The following CEP89 variants were observed in gnomAD, a reference collection of about 807,000 sequenced individuals.
CEP89 encodes centrosomal protein 89, also known as centrosomal protein of 89 kDa.
In CEP89, 95 loss-of-function variants were observed where a neutral mutation model predicts 97.6. The ratio of observed to expected loss-of-function variants is 0.97; its 90% CI spans 0.82 to 1.15. The LOEUF (loss-of-function observed/expected upper bound fraction) is 1.15. Among genes scored for constraint, CEP89 ranks in the 50% most tolerant of loss-of-function variants. CEP89 has a pLI of 0.00. For synonymous variants in CEP89, 354 were observed against 349.1 expected, an observed-to-expected ratio of 1.01 and a Z score of -0.16; for missense variants, 869 against 947.7, an observed-to-expected ratio of 0.92 and a Z score of 1.09.
At chr19:32,895,938 C>T (rs1969630877) in intron 16 of CEP89, among the ~76,000 whole-genome samples, 2 of 152,034 alleles carry the variant, frequency 1.3e-5, no homozygotes, top group South Asian at 4.1e-4. Context: ...ACAAGGAAAG[C>T]TACAAACACT....
intron 14 of CEP89, among the ~76,000 whole-genome samples, chr19:32,904,932 C>T (rs979510708): frequency 6.6e-6 from 1 of 152,148 alleles, no homozygotes; most frequent in African/African-American, 2.4e-5. Context: ...CAAAGAAATA[C>T]AATTAATTTT....
Position 32,895,819 on chromosome 19 carries a change from T to A in CEP89, c.1875+4038A>T, listed in dbSNP as rs150479415. On this transcript the variant is annotated intron_variant, in intron 16 of 18. Coordinates refer to ENST00000305768, the MANE Select transcript of CEP89 (RefSeq NM_032816.5). ...TGTATAAAGATCAGTAGTGTTTCTATACACCAATAATGAATTCCCTGAAAA... is the reference window on the plus strand; with the variant it reads ...TGTATAAAGATCAGTAGTGTTTCTAAACACCAATAATGAATTCCCTGAAAA... Among the ~76,000 whole-genome samples, 430 of 151,520 alleles carry A rather than the reference T, an allele frequency of 2.8e-3. 3 individuals are homozygous for A. The highest frequency in any genetic ancestry group is 9.7e-3 in the African/African-American group (401 of 41,364).
intron 18 of CEP89, among the ~76,000 whole-genome samples, chr19:32,881,393 T>TGGC (rs1455505569): frequency 6.6e-6 from 1 of 151,778 alleles, no homozygotes; most frequent in Non-Finnish European, 1.5e-5. Flanking sequence ...GAAACAAAAC[T>TGGC]GGCTCATGCC....
rs991848084 is a variant in CEP89 at position 32,931,658 on chromosome 19, C to T, written c.887-87G>A. ...TAAATTGCAAATCGTTTGCTTTTCTCCCCTCTTTCACGCTCAGAGGCAATG... is the reference window on the plus strand; with the variant it reads ...TAAATTGCAAATCGTTTGCTTTTCTTCCCTCTTTCACGCTCAGAGGCAATG... On this transcript the variant is annotated intron_variant, in intron 8 of 18. Transcript: ENST00000305768. 5 of 1,111,818 alleles carry T rather than the reference C, an allele frequency of 4.5e-6. No homozygotes were observed. In the Admixed American group the frequency reaches 1.2e-4, roughly 26 times the overall value. 68.9% of individuals were successfully genotyped at this position (1,111,818 alleles called of 1,614,324 possible). A position where few individuals can be genotyped will look rare whatever the true frequency, so the allele number is the denominator to read the frequency against.
At chr19:32,883,849 AG>A (rs1969338095) in intron 17 of CEP89, among the ~76,000 whole-genome samples, 1 of 152,212 alleles carries the variant, frequency 6.6e-6, no homozygotes, top group East Asian at 1.9e-4. Context: ...CATCTTGATC[AG>A]TCTTGGATTA....
At chr19:32,912,570 A>ACT (rs1443494185) in intron 14 of CEP89, among the ~76,000 whole-genome samples, 1 of 151,382 alleles carries the variant, frequency 6.6e-6, no homozygotes. Context: ...AAGAAATCTC[A>ACT]CTCTCTCTCT....
At chr19:32,958,648 C>T (rs532100508) in intron 3 of CEP89, among the ~76,000 whole-genome samples, 1 of 148,830 alleles carries the variant, frequency 6.7e-6, no homozygotes, top group African/African-American at 2.5e-5. Flanking sequence ...CACTGCCCTC[C>T]AGCCTGGGCA....
At chr19:32,890,742 G>A (rs1342657900) in intron 16 of CEP89, among the ~76,000 whole-genome samples, 1 of 152,084 alleles carries the variant, frequency 6.6e-6, no homozygotes, top group Non-Finnish European at 1.5e-5. Flanking sequence ...CTCAACCCCT[G>A]CAGGCCCTGA....
At position 32,923,546 on chromosome 19, in the gene CEP89, A is replaced by T; in HGVS notation, c.1165-4T>A. 6.5e-7 allele frequency: 1 copy of T among 1,546,562 alleles called. No individual in the cohort carries two copies. The highest frequency in any genetic ancestry group is 8.9e-7 in the Non-Finnish European group (1 of 1,119,432). ...TCCTAAACATTCTCATTTCCTCCTG[A>T]AATAAAATGTACGTAAATTATAACA... On this transcript the variant is annotated splice_region_variant and splice_polypyrimidine_tract_variant and intron_variant, in intron 11 of 18. Transcript: ENST00000305768.
chr19:32,918,884 C>CTTTTTT (rs11339528), intron 12 of CEP89, among the ~76,000 whole-genome samples: 52 of 117,636 alleles, frequency 4.4e-4, no homozygotes, highest in Non-Finnish European at 6.2e-4. Flanking sequence ...TTTTCTTTTT[C>CTTTTTT]TTTTTTTTTT....
intron 14 of CEP89, among the ~76,000 whole-genome samples, chr19:32,912,975 G>A (rs1016563799): frequency 6.6e-6 from 1 of 151,334 alleles, no homozygotes; most frequent in Non-Finnish European, 1.5e-5. Flanking sequence ...CCCGGGGGGC[G>A]GAGCCTGCAG....
intron 7 of CEP89, 181 bp downstream of exon 7, chr19:32,937,450 C>A (rs1970601989): frequency 5.2e-6 from 3 of 579,326 alleles, no homozygotes; most frequent in Non-Finnish European, 6.2e-6. Context: ...AGGACCCAAG[C>A]ACATCCTGTA....
intron 7 of CEP89, among the ~76,000 whole-genome samples, chr19:32,935,837 G>A (rs1156789670): frequency 6.6e-6 from 1 of 152,060 alleles, no homozygotes; most frequent in Non-Finnish European, 1.5e-5. Flanking sequence ...CTGTGTTCTT[G>A]GGGGCCCAAG....
At chr19:32,908,228 T>A (rs1269359415) in intron 14 of CEP89, among the ~76,000 whole-genome samples, 4 of 152,208 alleles carry the variant, frequency 2.6e-5, no homozygotes, top group African/African-American at 7.2e-5. Flanking sequence ...TAAAAAGAAG[T>A]CATTAATGGT....
rs1256946896 is a variant in CEP89 at position 32,953,763 on chromosome 19, AAAG to A, written c.341_343del (p.Ser114del). The A allele has an allele frequency of 1.9e-5, 31 of 1,614,018 alleles. No individual in the cohort carries two copies. Among genetic ancestry groups the A allele is most frequent in the Non-Finnish European group, 2.5e-5 (30 of 1,180,002 alleles). ...ATAGTCCAGTGTTTCAAAGGATGGC[AAAG>A]AAGATCTTCTTCCCATCTCACTCTG... On this transcript the variant is annotated inframe_deletion, in exon 4 of 19. Transcript: ENST00000305768.
chr19:32,928,880 A>G (rs1344187319), intron 9 of CEP89, among the ~76,000 whole-genome samples: 3 of 152,266 alleles, frequency 2.0e-5, no homozygotes, highest in African/African-American at 4.8e-5. Flanking sequence ...CTGCCTCCAG[A>G]CAGAAAGCAG....
chr19:32,891,950 C>G (rs1049406883), intron 16 of CEP89, among the ~76,000 whole-genome samples: 4 of 151,208 alleles, frequency 2.6e-5, no homozygotes, highest in South Asian at 2.1e-4. Context: ...GCATAAAAAA[C>G]CTACTCAACA....
At chr19:32,961,578 CAAA>C (rs1193124918) in intron 2 of CEP89, among the ~76,000 whole-genome samples, 1 of 62,312 alleles carries the variant, frequency 1.6e-5, no homozygotes, top group Non-Finnish European at 3.0e-5. Flanking sequence ...GACTCCATCT[CAAA>C]AAAAAAAAAA....
chr19:32,919,707 C>A (rs1316182467), intron 12 of CEP89, among the ~76,000 whole-genome samples: 1 of 152,234 alleles, frequency 6.6e-6, no homozygotes, highest in Admixed American at 6.5e-5. Flanking sequence ...CTCTGTTGCC[C>A]AGGCTGGAGT....
Sources: allele counts gnomAD v4.1 joint callset (sites outside exome capture counted in the v4.1 genomes callset), GRCh38; gene constraint gnomAD v4.1.1; transcripts MANE v1.5; gene names NCBI Gene and HGNC (gene_info 2026-07-23, HGNC 2026-07-21).